The following LRRC7 variants were observed in gnomAD, a reference collection of about 807,000 sequenced individuals.
LRRC7 encodes leucine-rich repeat-containing protein 7.
Under a neutral mutation model 175.7 loss-of-function variants are expected in LRRC7, and 23 were observed. The ratio of observed to expected loss-of-function variants is 0.13; its 90% CI spans 0.09 to 0.19. LRRC7 has a LOEUF of 0.19. Among genes scored for constraint, LRRC7 ranks in the 10% least tolerant of loss-of-function variants. The pLI is 1.00. For synonymous variants in LRRC7, 685 were observed against 680.9 expected (o/e 1.01, Z -0.09); for missense variants, 1,354 against 1,904.7 (o/e 0.71, Z 5.38).
At chr1:69,576,479 T>C (rs1645954840) in intron 1 of LRRC7, among the ~76,000 whole-genome samples, 1 of 152,168 alleles carries the variant, frequency 6.6e-6, no homozygotes, top group Non-Finnish European at 1.5e-5. Context: ...TTATAAAGCA[T>C]TTTTGAAATT....
chr1:69,705,066 A>G (rs926459371), intron 2 of LRRC7, among the ~76,000 whole-genome samples: 1 of 152,130 alleles, frequency 6.6e-6, no homozygotes, highest in East Asian at 1.9e-4. Context: ...TTTCTTTATT[A>G]TCTCAATTTC....
chr1:69,986,457 G>A (rs1355522638), intron 10 of LRRC7, 71 bp downstream of exon 10: 4 of 1,365,698 alleles, frequency 2.9e-6, no homozygotes, highest in South Asian at 1.4e-5. Context: ...AGTATAGTTT[G>A]TCTATAGATA....
At chr1:69,634,394 C>A (rs1421046658) in intron 1 of LRRC7, among the ~76,000 whole-genome samples, 10 of 152,056 alleles carry the variant, frequency 6.6e-5, no homozygotes, top group Non-Finnish European at 1.5e-4. Context: ...TCTGCAAGAT[C>A]TTTGAGATAA....
chr1:69,732,277 A>G (rs1328888983), intron 2 of LRRC7, among the ~76,000 whole-genome samples: 10 of 152,066 alleles, frequency 6.6e-5, no homozygotes, highest in Non-Finnish European at 1.0e-4. Context: ...AAGATTTTTT[A>G]AAGGTTGTTT....
At chr1:69,639,757 T>C (rs1653923745) in intron 1 of LRRC7, among the ~76,000 whole-genome samples, 1 of 151,680 alleles carries the variant, frequency 6.6e-6, no homozygotes, top group Non-Finnish European at 1.5e-5. Flanking sequence ...AGCTAAATCA[T>C]AAGAAATTAA....
intron 2 of LRRC7, among the ~76,000 whole-genome samples, chr1:69,680,925 C>T (rs1388656847): frequency 2.0e-5 from 3 of 151,916 alleles, no homozygotes; most frequent in Admixed American, 1.3e-4. Flanking sequence ...TAGGATGTAG[C>T]GAGTTTTCTT....
At chr1:69,598,170 G>A (rs1042001556) in intron 1 of LRRC7, among the ~76,000 whole-genome samples, 3 of 152,020 alleles carry the variant, frequency 2.0e-5, no homozygotes, top group Non-Finnish European at 4.4e-5. Context: ...ATGAGGTGTG[G>A]GCTTTTCCTA....
At chr1:69,865,186 G>A (rs1004134701) in intron 7 of LRRC7, among the ~76,000 whole-genome samples, 3 of 152,112 alleles carry the variant, frequency 2.0e-5, no homozygotes, top group Admixed American at 1.3e-4. Flanking sequence ...TTAAGCACCA[G>A]GGCAGGTGCT....
chr1:69,878,874 TATATAA>T lies in LRRC7; in HGVS notation c.647+40597_647+40602del, dbSNP rs1686287982. 3.4e-5 allele frequency among the ~76,000 whole-genome samples: 5 copies of T among 148,242 alleles called. No individual in the cohort carries two copies. In the South Asian group the frequency reaches 1.0e-3, roughly 31 times the overall value. The stretch of plus-strand genomic sequence containing the variant: ...TTTACTCTGCTATGTATAATATTTA[TATATAA>T]ATATATATTATAAAATGTATATATA... On this transcript the variant is annotated intron_variant, in intron 7 of 26. Coordinates refer to ENST00000651989, the MANE Select transcript of LRRC7 (RefSeq NM_001370785.2).
chr1:69,822,068 T>C (rs1679360349), intron 4 of LRRC7, among the ~76,000 whole-genome samples: 1 of 152,202 alleles, frequency 6.6e-6, no homozygotes, highest in African/African-American at 2.4e-5. Context: ...TGATGGATTC[T>C]GAGTCTTTCT....
rs1263505013 is a variant in LRRC7 at position 70,139,400 on chromosome 1, G to C, written c.*17513G>C. 6.6e-6 allele frequency: 1 copy of C among 152,188 alleles called. No individual in the cohort carries two copies. Among genetic ancestry groups the C allele is most frequent in the African/African-American group, 2.4e-5 (1 of 41,454 alleles). 9.4% of individuals were successfully genotyped at this position (152,188 alleles called of 1,614,324 possible). A position where few individuals can be genotyped will look rare whatever the true frequency, so the allele number is the denominator to read the frequency against. On this transcript the variant is annotated 3_prime_UTR_variant, in exon 27 of 27. Transcript: ENST00000651989. ...AAAACAAGCATGTCTAGTGAAATCT[G>C]TCCAGTGTACGTAACACTGCACAAA...
intron 4 of LRRC7, among the ~76,000 whole-genome samples, chr1:69,796,207 G>A (rs918192417): frequency 6.9e-6 from 1 of 144,828 alleles, no homozygotes; most frequent in African/African-American, 2.6e-5. Context: ...CTATGAGTGA[G>A]AACATGTAGT....
intron 2 of LRRC7, among the ~76,000 whole-genome samples, chr1:69,701,308 CTAT>C (rs1663320604): frequency 6.6e-6 from 1 of 152,058 alleles, no homozygotes; most frequent in Non-Finnish European, 1.5e-5. Context: ...AGCAGAAATA[CTAT>C]TCATAGAATA....
intron 2 of LRRC7, among the ~76,000 whole-genome samples, chr1:69,700,042 G>A (rs1663143638): frequency 6.6e-6 from 1 of 152,156 alleles, no homozygotes; most frequent in Non-Finnish European, 1.5e-5. Context: ...TTGGGGAGAT[G>A]TTCCTTCACA....
chr1:70,118,175 C>T (rs538316921), intron 26 of LRRC7, among the ~76,000 whole-genome samples: 117 of 152,116 alleles, frequency 7.7e-4, no homozygotes, highest in Admixed American at 1.5e-3. Flanking sequence ...AAGCCCTACA[C>T]GAATATAGTA....
At position 69,883,747 on chromosome 1, in the gene LRRC7, G is replaced by C. The variant is rs1304005951; in HGVS notation, c.647+45464G>C. Among the ~76,000 whole-genome samples, 41 of 91,074 alleles carry C rather than the reference G, an allele frequency of 4.5e-4. 10 individuals carry two copies. The highest frequency in any genetic ancestry group is 4.9e-3 in the Middle Eastern group (1 of 204). The allele number at this position is 91,074 out of a possible 152,430, so 59.7% of individuals were successfully genotyped here. Reference sequence around the variant, plus strand: ...TTCTTCTAGGGTTTTTATGGTTTTAGGTCTAACGTTTAAGTCTTTAATCCA... The same window carrying C: ...TTCTTCTAGGGTTTTTATGGTTTTACGTCTAACGTTTAAGTCTTTAATCCA... On this transcript the variant is annotated intron_variant, in intron 7 of 26. Coordinates refer to ENST00000651989, the MANE Select transcript of LRRC7 (RefSeq NM_001370785.2).
chr1:69,978,281 G>A (rs766302348), intron 8 of LRRC7, among the ~76,000 whole-genome samples: 1 of 147,364 alleles, frequency 6.8e-6, no homozygotes, highest in Non-Finnish European at 1.5e-5. Flanking sequence ...AGACTCCGTC[G>A]TCTGCGAGGA....
intron 7 of LRRC7, among the ~76,000 whole-genome samples, chr1:69,841,985 C>G (rs1274413952): frequency 6.6e-6 from 1 of 152,056 alleles, no homozygotes. Flanking sequence ...TTTTATAAAC[C>G]TACACACATT....
chr1:69,652,517 T>C (rs1449064616), intron 1 of LRRC7, among the ~76,000 whole-genome samples: 1 of 152,134 alleles, frequency 6.6e-6, no homozygotes, highest in Non-Finnish European at 1.5e-5. Flanking sequence ...ATTTGAAGAC[T>C]TAATATTGTT....
Sources: gnomAD v4.1 joint callset for allele counts (sites outside exome capture counted in the v4.1 genomes callset) on GRCh38, gnomAD v4.1.1 for gene constraint, MANE v1.5 for transcripts, NCBI Gene and HGNC (gene_info 2026-07-23, HGNC 2026-07-21) for gene names.